The following SH3BGR variants were observed in gnomAD, a reference collection of about 807,000 sequenced individuals.
SH3BGR encodes the protein SH3 domain binding glutamate rich protein.
A neutral mutation model predicts 24.5 loss-of-function variants in SH3BGR; 29 were observed. That is an observed-to-expected ratio of 1.18 (90% CI 0.88 to 1.61). SH3BGR has a LOEUF of 1.61. Among genes scored for constraint, SH3BGR ranks in the 40% most tolerant of loss-of-function variants. The pLI is 0.00. For missense variants in SH3BGR, 162 were observed against 205.8 expected (o/e 0.79, Z 1.30); for synonymous variants, 55 against 65.7 (o/e 0.84, Z 0.79).
intron 4 of SH3BGR, among the ~76,000 whole-genome samples, chr21:39,501,509 A>G (rs1216055585): frequency 6.6e-6 from 1 of 152,240 alleles, no homozygotes; most frequent in Non-Finnish European, 1.5e-5. Flanking sequence ...TGGTGAAGAA[A>G]TGACCGTAAG....
intron 5 of SH3BGR, among the ~76,000 whole-genome samples, chr21:39,510,915 A>G (rs1602184247): frequency 8.7e-6 from 1 of 114,834 alleles, no homozygotes; most frequent in African/African-American, 3.1e-5. Flanking sequence ...CTAACTATAT[A>G]TATATATATA....
At chr21:39,453,618 T>C (rs1891604994) in intron 1 of SH3BGR, among the ~76,000 whole-genome samples, 1 of 152,196 alleles carries the variant, frequency 6.6e-6, no homozygotes, top group Admixed American at 6.5e-5. Context: ...TTTAGTTAGC[T>C]TTGGATGACC....
rs989176763 is a variant in SH3BGR, at chr21:39,462,394, A to G, written c.65A>G (p.Glu22Gly). The change falls in exon 2 of 7, where the codon GAA becomes GGA. Residue 22 changes from glutamate (E) to glycine (G), a missense_variant. Coordinates refer to ENST00000333634, the MANE Select transcript of SH3BGR (RefSeq NM_007341.3). Reference protein sequence around the residue: ...GSIAIRKKQQEVVGFLEANKI... With the variant: ...GSIAIRKKQQGVVGFLEANKI... ...GACCAGATTAGGAAGAAACAGCAAG[A>G]AGTAGTGGGTTTTTTGGAAGCGAAT... 1 of 1,608,012 alleles carries G rather than the reference A, an allele frequency of 6.2e-7. No individual in the cohort carries two copies. The highest frequency in any genetic ancestry group is 8.5e-7 in the Non-Finnish European group (1 of 1,178,676).
Position 39,455,475 on chromosome 21 carries a change from A to G in SH3BGR, c.45+3334A>G, listed in dbSNP as rs111587160. 1.5e-3 allele frequency among the ~76,000 whole-genome samples: 226 copies of G among 152,276 alleles called. 3 individuals carry two copies. The highest frequency in any genetic ancestry group is 1.0e-3 in the Non-Finnish European group (70 of 68,006). ...CCATGATGGGAACTGATGGGGTGCT[A>G]TGCACACCCCTCCCTCTGGGCCATA... On this transcript the variant is annotated intron_variant, in intron 1 of 6. Coordinates refer to ENST00000333634, the MANE Select transcript of SH3BGR (RefSeq NM_007341.3).
chr21:39,467,997 G>A (rs1569155139), intron 2 of SH3BGR, among the ~76,000 whole-genome samples: 1 of 152,202 alleles, frequency 6.6e-6, no homozygotes. Context: ...GGAAAGAGCA[G>A]ACACATCTCT....
chr21:39,479,247 G>A (rs968996334), intron 3 of SH3BGR, among the ~76,000 whole-genome samples: 4 of 149,586 alleles, frequency 2.7e-5, no homozygotes, highest in African/African-American at 4.9e-5. Context: ...GGTGGTGGTG[G>A]TGGTGGTGGT....
intron 1 of SH3BGR, among the ~76,000 whole-genome samples, chr21:39,453,461 C>T (rs1439868492): frequency 6.6e-6 from 1 of 151,964 alleles, no homozygotes; most frequent in Non-Finnish European, 1.5e-5. Context: ...GTTGTTGATG[C>T]TCATTGCTAA....
chr21:39,489,505 A>T (rs572309565), intron 3 of SH3BGR, among the ~76,000 whole-genome samples: 1 of 152,236 alleles, frequency 6.6e-6, no homozygotes, highest in East Asian at 1.9e-4. Flanking sequence ...CTGCTCTTAG[A>T]CCTGGCAGGG....
At chr21:39,459,038 G>GTTTT (rs932976008) in intron 1 of SH3BGR, among the ~76,000 whole-genome samples, 1 of 143,796 alleles carries the variant, frequency 7.0e-6, no homozygotes. Flanking sequence ...TAGTTCTGTG[G>GTTTT]TTTTTTTTTT....
intron 1 of SH3BGR, among the ~76,000 whole-genome samples, chr21:39,459,087 A>G (rs1303897883): frequency 6.6e-6 from 1 of 152,070 alleles, no homozygotes; most frequent in Non-Finnish European, 1.5e-5. Context: ...GTTCACATGA[A>G]GGACTTGGCA....
At chr21:39,497,892 T>C (rs1445822622) in intron 3 of SH3BGR, among the ~76,000 whole-genome samples, 1 of 152,234 alleles carries the variant, frequency 6.6e-6, no homozygotes, top group Non-Finnish European at 1.5e-5. Flanking sequence ...GGATATGAAT[T>C]GCTGCCACCT....
chr21:39,465,527 C>A (rs964304433), intron 2 of SH3BGR, among the ~76,000 whole-genome samples: 1 of 152,134 alleles, frequency 6.6e-6, no homozygotes, highest in African/African-American at 2.4e-5. Context: ...GTATCATATA[C>A]GACTTTGTTT....
intron 2 of SH3BGR, among the ~76,000 whole-genome samples, chr21:39,468,995 A>G (rs2077890030): frequency 6.7e-6 from 1 of 150,120 alleles, no homozygotes; most frequent in African/African-American, 2.5e-5. Flanking sequence ...TGTTTCTATA[A>G]ATTCTAAGAT....
At chr21:39,474,764 C>G (rs1228984041) in intron 2 of SH3BGR, among the ~76,000 whole-genome samples, 1 of 152,166 alleles carries the variant, frequency 6.6e-6, no homozygotes, top group Non-Finnish European at 1.5e-5. Flanking sequence ...TCATCTCAGT[C>G]TCAGCTGATC....
chr21:39,466,196 C>T (rs2077838989), intron 2 of SH3BGR, among the ~76,000 whole-genome samples: 1 of 152,182 alleles, frequency 6.6e-6, no homozygotes, highest in African/African-American at 2.4e-5. Flanking sequence ...TTGAGAGTGG[C>T]TAGTTCTCCG....
intron 2 of SH3BGR, among the ~76,000 whole-genome samples, chr21:39,467,115 A>G (rs1156492988): frequency 6.6e-6 from 1 of 152,176 alleles, no homozygotes; most frequent in Non-Finnish European, 1.5e-5. Context: ...ATCCTTTTAA[A>G]TTTAAGTGAG....
intron 2 of SH3BGR, among the ~76,000 whole-genome samples, chr21:39,462,988 A>G (rs1290819244): frequency 6.6e-6 from 1 of 152,052 alleles, no homozygotes; most frequent in Non-Finnish European, 1.5e-5. Flanking sequence ...AGCTCAAGCG[A>G]TCCTCTCACT....
At chr21:39,502,807 A>G (rs1350513054) in intron 4 of SH3BGR, among the ~76,000 whole-genome samples, 1 of 152,162 alleles carries the variant, frequency 6.6e-6, no homozygotes, top group Non-Finnish European at 1.5e-5. Flanking sequence ...GGCCTTTCAC[A>G]GTGGCTGGCC....
intron 2 of SH3BGR, among the ~76,000 whole-genome samples, chr21:39,463,784 C>T (rs961684079): frequency 6.6e-6 from 1 of 152,176 alleles, no homozygotes; most frequent in African/African-American, 2.4e-5. Flanking sequence ...TCTGCTTGTT[C>T]ACAGAAAAGT....
Sources: allele counts gnomAD v4.1 joint callset (sites outside exome capture counted in the v4.1 genomes callset), GRCh38; gene constraint gnomAD v4.1.1; transcripts MANE v1.5; gene names NCBI Gene and HGNC (gene_info 2026-07-23, HGNC 2026-07-21).